The following NCAM2 variants were observed in gnomAD, a reference collection of about 807,000 sequenced individuals.
NCAM2 encodes the protein neural cell adhesion molecule 2, also known as N-CAM-2.
In NCAM2, 30 loss-of-function variants were observed where a neutral mutation model predicts 98.1. That is an observed-to-expected ratio of 0.31 (90% confidence interval 0.23 to 0.41). NCAM2 has a LOEUF of 0.41. Among genes scored for constraint, NCAM2 ranks in the 10% least tolerant of loss-of-function variants. The pLI, the probability that NCAM2 is intolerant of heterozygous loss-of-function variation, is 1.00. For synonymous variants in NCAM2, 368 were observed against 342.4 expected, an observed-to-expected ratio of 1.07 and a Z score of -0.83; for missense variants, 867 against 1,005.8, an observed-to-expected ratio of 0.86 and a Z score of 1.87.
At chr21:21,090,264 A>G (rs2065986291) in intron 1 of NCAM2, among the ~76,000 whole-genome samples, 1 of 152,200 alleles carries the variant, frequency 6.6e-6, no homozygotes, top group Non-Finnish European at 1.5e-5. Context: ...AAAAATATGC[A>G]GGTTTTTAAT....
At chr21:21,472,967 T>TACACACACAC (rs3039039) in intron 14 of NCAM2, among the ~76,000 whole-genome samples, 1 of 142,276 alleles carries the variant, frequency 7.0e-6, no homozygotes. Context: ...TACATATATG[T>TACACACACAC]ACACACACAC....
intron 1 of NCAM2, among the ~76,000 whole-genome samples, chr21:21,092,367 ATAAT>A (rs1220363600): frequency 3.3e-5 from 5 of 152,052 alleles, no homozygotes; most frequent in Non-Finnish European, 5.9e-5. Flanking sequence ...AATATTAAAA[ATAAT>A]TATGCATATT....
chr21:21,370,915 C>T (rs1398714461), intron 8 of NCAM2, among the ~76,000 whole-genome samples: 2 of 151,740 alleles, frequency 1.3e-5, no homozygotes. Flanking sequence ...CATTCAATTC[C>T]TATTTGTTGA....
intron 15 of NCAM2, among the ~76,000 whole-genome samples, chr21:21,498,734 T>C (rs1987424293): frequency 6.6e-6 from 1 of 152,204 alleles, no homozygotes; most frequent in Admixed American, 6.5e-5. Flanking sequence ...GGGGAGGTGA[T>C]TTTGATTCAC....
intron 6 of NCAM2, 50 bp downstream of exon 6, chr21:21,324,550 T>G: frequency 8.7e-7 from 1 of 1,154,044 alleles, no homozygotes; most frequent in South Asian, 1.3e-5. Flanking sequence ...ATCAGGCTTA[T>G]GGAACAGTAT....
intron 6 of NCAM2, among the ~76,000 whole-genome samples, chr21:21,333,723 G>A (rs548193228): frequency 1.3e-5 from 2 of 151,886 alleles, no homozygotes; most frequent in African/African-American, 4.8e-5. Flanking sequence ...CACATTTATG[G>A]GCTAATTGTG....
intron 15 of NCAM2, among the ~76,000 whole-genome samples, chr21:21,494,210 T>G (rs1214918951): frequency 6.6e-6 from 1 of 151,906 alleles, no homozygotes; most frequent in Non-Finnish European, 1.5e-5. Context: ...TTGGAGAAAA[T>G]TAAACAGTTT....
chr21:21,525,333 A>G (rs192635552), intron 16 of NCAM2, among the ~76,000 whole-genome samples: 58 of 152,238 alleles, frequency 3.8e-4, no homozygotes, highest in Middle Eastern at 6.8e-3. Context: ...ATAAAGAAGG[A>G]ATAACTACTA....
Position 21,477,466 on chromosome 21 carries a change from T to C in NCAM2, c.2072T>C (p.Ile691Thr). The C allele has an allele frequency of 6.3e-7, 1 of 1,590,716 alleles. No individual in the cohort carries two copies. Among genetic ancestry groups the C allele is most frequent in the Non-Finnish European group, 8.6e-7 (1 of 1,165,492 alleles). ...AGCATGCCACCAAAGCCCAACATTA[T>C]TAAAGGTAAGCAAAACTATATTCTT... ...EFSMPPKPNI[I>T]KDTLFNGLGL... Residue 691 changes from isoleucine to threonine, a missense_variant, in exon 15 of 18, where the codon ATT (isoleucine) becomes ACT (threonine). Transcript: ENST00000400546.
chr21:21,413,823 G>A (rs2076934452), intron 10 of NCAM2, among the ~76,000 whole-genome samples: 1 of 152,154 alleles, frequency 6.6e-6, no homozygotes, highest in African/African-American at 2.4e-5. Context: ...GGCTGTGGCA[G>A]TTTATTAAAA....
chr21:21,263,917 C>A (rs1181399251), intron 1 of NCAM2, among the ~76,000 whole-genome samples: 2 of 151,832 alleles, frequency 1.3e-5, no homozygotes, highest in African/African-American at 2.4e-5. Flanking sequence ...AAAGAAATGT[C>A]CTTTGGGACA....
intron 11 of NCAM2, among the ~76,000 whole-genome samples, chr21:21,419,277 G>A (rs1214730331): frequency 1.4e-5 from 2 of 141,916 alleles, no homozygotes; most frequent in Admixed American, 1.4e-4. Flanking sequence ...CAACTTAAAA[G>A]TGAGATATTT....
intron 6 of NCAM2, among the ~76,000 whole-genome samples, chr21:21,334,766 A>G (rs952521866): frequency 1.3e-5 from 2 of 152,158 alleles, no homozygotes; most frequent in Admixed American, 6.6e-5. Context: ...CTTACTGTAG[A>G]TTATAGTAAA....
chr21:21,370,426 T>C (rs1054432421), intron 8 of NCAM2, among the ~76,000 whole-genome samples: 1 of 151,922 alleles, frequency 6.6e-6, no homozygotes, highest in Non-Finnish European at 1.5e-5. Context: ...AAACATCTTA[T>C]TGGCATGTTT....
rs556117962 is a variant in NCAM2 at position 21,478,383 on chromosome 21, AGAGTAT to A, written c.2077+913_2077+918del. 6.6e-5 allele frequency among the ~76,000 whole-genome samples: 10 copies of A among 152,102 alleles called. No homozygotes were observed. The South Asian group carries it at 1.9e-3, about 28-fold the overall frequency. On this transcript the variant is annotated intron_variant, in intron 15 of 17. Coordinates refer to ENST00000400546, the MANE Select transcript of NCAM2 (RefSeq NM_004540.5). ...CAAGATTTATTTGTCTTATTATATTAGAGTATAAGTATAGATATATAATATTTTTGA... is the reference window on the plus strand; with the variant it reads ...CAAGATTTATTTGTCTTATTATATTAAAGTATAGATATATAATATTTTTGA...
intron 2 of NCAM2, among the ~76,000 whole-genome samples, chr21:21,283,315 G>A (rs1422230475): frequency 1.3e-5 from 2 of 151,840 alleles, no homozygotes; most frequent in African/African-American, 4.8e-5. Context: ...TTTCCACATC[G>A]ATACTTTTGA....
intron 4 of NCAM2, among the ~76,000 whole-genome samples, chr21:21,287,227 A>T (rs34822586): frequency 6.6e-6 from 1 of 151,888 alleles, no homozygotes; most frequent in African/African-American, 2.4e-5. Flanking sequence ...AGTAGTTTCC[A>T]TCTTCGATGA....
At chr21:21,373,626 T>G (rs190188138) in intron 8 of NCAM2, among the ~76,000 whole-genome samples, 115 of 151,890 alleles carry the variant, frequency 7.6e-4, no homozygotes, top group Non-Finnish European at 1.3e-3. Flanking sequence ...TTGAAATGCT[T>G]TTTATCATTA....
Position 21,277,885 on chromosome 21 carries a change from A to T in NCAM2, c.56-2693A>T, listed in dbSNP as rs189740623. 1.1e-4 allele frequency among the ~76,000 whole-genome samples: 16 copies of T among 152,294 alleles called. No homozygotes were observed. In the East Asian group the frequency reaches 3.1e-3, roughly 29 times the overall value. On this transcript the variant is annotated intron_variant, in intron 1 of 17. Transcript: ENST00000400546. The stretch of plus-strand genomic sequence containing the variant: ...ATGAGTGCGTGTATTTAAAAATAAA[A>T]AAATGCATACAAATAGTTTATATTG...
Sources: gnomAD v4.1 joint callset for allele counts (sites outside exome capture counted in the v4.1 genomes callset) on GRCh38, gnomAD v4.1.1 for gene constraint, MANE v1.5 for transcripts, NCBI Gene and HGNC (gene_info 2026-07-23, HGNC 2026-07-21) for gene names.